CCDC7: variants seen among roughly 807,000 people sequenced by gnomAD.
CCDC7 encodes coiled-coil domain-containing protein 7.
Under a neutral mutation model 196.9 loss-of-function variants are expected in CCDC7, and 183 were observed. The observed-to-expected ratio is 0.93, with a 90% CI of 0.82 to 1.05. The LOEUF (loss-of-function observed/expected upper bound fraction) is 1.05. CCDC7 is among the 50% of genes least tolerant of loss of function. The probability of loss-of-function intolerance (pLI) is 0.00; values close to 1 mark genes in which losing one functional copy is unlikely to be tolerated. For synonymous variants in CCDC7, 525 were observed against 484.6 expected, an observed-to-expected ratio of 1.08 and a Z score of -1.10; for missense variants, 1,540 against 1,482.2, an observed-to-expected ratio of 1.04 and a Z score of -0.64.
chr10:32,745,006 T>A (rs2074471408), intron 28 of CCDC7, among the ~76,000 whole-genome samples: 1 of 152,236 alleles, frequency 6.6e-6, no homozygotes, highest in Non-Finnish European at 1.5e-5. Context: ...GGGTATAAGG[T>A]CTGTATCTAG....
intron 20 of CCDC7, among the ~76,000 whole-genome samples, chr10:32,640,442 T>C (rs1011474056): frequency 6.6e-6 from 1 of 152,246 alleles, no homozygotes; most frequent in Non-Finnish European, 1.5e-5. Context: ...AGCACACTGA[T>C]GGGTCTTGAC....
At chr10:32,655,786 A>C (rs1405179778) in intron 20 of CCDC7, among the ~76,000 whole-genome samples, 4 of 152,170 alleles carry the variant, frequency 2.6e-5, no homozygotes, top group African/African-American at 7.2e-5. Context: ...ATCTCAAGTG[A>C]GCCACCTACC....
At chr10:32,527,131 T>A (rs1215285513) in intron 11 of CCDC7, among the ~76,000 whole-genome samples, 1 of 152,036 alleles carries the variant, frequency 6.6e-6, no homozygotes, top group Admixed American at 6.6e-5. Context: ...GTGCAAATGC[T>A]CCCTCCATGT....
chr10:32,751,654 CA>C (rs967981675), intron 28 of CCDC7, among the ~76,000 whole-genome samples: 6 of 152,094 alleles, frequency 3.9e-5, no homozygotes, highest in African/African-American at 1.4e-4. Context: ...TGTAGCCTCT[CA>C]GGGTGTTTTC....
At chr10:32,525,762 T>C (rs2048570916) in intron 11 of CCDC7, among the ~76,000 whole-genome samples, 1 of 152,256 alleles carries the variant, frequency 6.6e-6, no homozygotes, top group African/African-American at 2.4e-5. Context: ...TTGCAGACTC[T>C]TAGAGGTATC....
intron 13 of CCDC7, among the ~76,000 whole-genome samples, chr10:32,551,528 C>T (rs1161887121): frequency 2.0e-5 from 3 of 151,994 alleles, no homozygotes; most frequent in Non-Finnish European, 4.4e-5. Context: ...TTGAGGTACA[C>T]TTTTAGGGCT....
chr10:32,758,804 A>G (rs1053063282), intron 28 of CCDC7, among the ~76,000 whole-genome samples: 3 of 152,184 alleles, frequency 2.0e-5, no homozygotes, highest in South Asian at 2.1e-4. Context: ...AGGAAGTCAA[A>G]TTATCCCTGT....
In CCDC7 at chr10:32,673,332, A is replaced by G. The variant is rs77514249; in HGVS notation, c.2122+9171A>G. Among the ~76,000 whole-genome samples, 38 of 152,106 alleles carry G rather than the reference A, an allele frequency of 2.5e-4. No individual in the cohort carries two copies. The East Asian group carries it at 6.8e-3, about 27-fold the overall frequency. On this transcript the variant is annotated intron_variant, in intron 21 of 41. Transcript: ENST00000639629. Reference sequence around the variant, plus strand: ...ATTTCAATTTCTGTAAAAGTGTGCCATTGGTATTTTGATAGGAATTGTACA... The same window carrying G: ...ATTTCAATTTCTGTAAAAGTGTGCCGTTGGTATTTTGATAGGAATTGTACA...
chr10:32,754,734 T>G (rs1218478709), intron 28 of CCDC7, among the ~76,000 whole-genome samples: 3 of 152,100 alleles, frequency 2.0e-5, no homozygotes, highest in African/African-American at 7.2e-5. Flanking sequence ...TTTGTGCATT[T>G]TCAACTAAGT....
rs2504346 is a variant in CCDC7 at position 32,707,451 on chromosome 10, G to A, written c.2459-4169G>A. On this transcript the variant is annotated intron_variant, in intron 24 of 41. Transcript: ENST00000639629. ...TCTCTCACCACGCCTATTCAACATA[G>A]TATTGGAAGTTCTGGCCCGGGCAAT... 1.2e-4 allele frequency among the ~76,000 whole-genome samples: 18 copies of A among 152,120 alleles called. No individual in the cohort carries two copies. In the East Asian group the frequency reaches 3.5e-3, roughly 29 times the overall value.
chr10:32,452,274 A>G (rs1247889376), intron 1 of CCDC7, among the ~76,000 whole-genome samples: 1 of 152,230 alleles, frequency 6.6e-6, no homozygotes, highest in Non-Finnish European at 1.5e-5. Flanking sequence ...TCACAAGGAA[A>G]GGAGGTTCAG....
chr10:32,697,870 C>T (rs758080839), intron 24 of CCDC7, among the ~76,000 whole-genome samples: 2 of 152,188 alleles, frequency 1.3e-5, no homozygotes, highest in Non-Finnish European at 2.9e-5. Context: ...CAGACTGCTT[C>T]CTAAAGTGGG....
intron 11 of CCDC7, 45 bp downstream of exon 12, chr10:32,518,550 G>A (rs1197963727): frequency 2.7e-6 from 4 of 1,460,020 alleles, no homozygotes; most frequent in Non-Finnish European, 3.7e-6. Context: ...ACCTAATAAG[G>A]CTTATTATGT....
At chr10:32,456,677 G>A (rs984979768) in intron 3 of CCDC7, among the ~76,000 whole-genome samples, 2 of 152,052 alleles carry the variant, frequency 1.3e-5, no homozygotes, top group Non-Finnish European at 2.9e-5. Flanking sequence ...AAATAGTAAG[G>A]TTGTGGCAAT....
At chr10:32,788,587 C>A (rs1361460558) in intron 29 of CCDC7, among the ~76,000 whole-genome samples, 2 of 152,178 alleles carry the variant, frequency 1.3e-5, no homozygotes, top group Non-Finnish European at 2.9e-5. Flanking sequence ...CTGGCTCTCA[C>A]AACTCCAGGC....
intron 13 of CCDC7, among the ~76,000 whole-genome samples, chr10:32,564,354 A>T (rs1307975362): frequency 6.6e-6 from 1 of 152,186 alleles, no homozygotes; most frequent in Admixed American, 6.5e-5. Context: ...ATGCACACGT[A>T]TGTTTATTGT....
At chr10:32,654,060 G>C (rs2069294635) in intron 20 of CCDC7, among the ~76,000 whole-genome samples, 2 of 151,864 alleles carry the variant, frequency 1.3e-5, no homozygotes, top group South Asian at 4.2e-4. Context: ...CAACTTATTT[G>C]TCTTTAATGT....
chr10:32,781,080 T>C (rs1276122938), intron 29 of CCDC7, among the ~76,000 whole-genome samples: 1 of 152,136 alleles, frequency 6.6e-6, no homozygotes, highest in Non-Finnish European at 1.5e-5. Flanking sequence ...ATGAACAAAT[T>C]GTTAGAAATA....
At chr10:32,720,379 A>C (rs2142110442) in intron 25 of CCDC7, among the ~76,000 whole-genome samples, 1 of 152,010 alleles carries the variant, frequency 6.6e-6, no homozygotes, top group Middle Eastern at 3.4e-3. Context: ...CAATGAGAAC[A>C]TATGGGCACA....
Sources: allele counts gnomAD v4.1 joint callset (sites outside exome capture counted in the v4.1 genomes callset), GRCh38; gene constraint gnomAD v4.1.1; transcripts MANE v1.5; gene names NCBI Gene and HGNC (gene_info 2026-07-23, HGNC 2026-07-21).